ERBB4: variants seen among roughly 807,000 people sequenced by gnomAD.
The protein encoded by ERBB4 is erb-b2 receptor tyrosine kinase 4, also known as receptor tyrosine-protein kinase erbB-4.
ERBB4 carries 42 observed loss-of-function variants against 158.0 expected under a neutral mutation model. The ratio of observed to expected loss-of-function variants is 0.27; its 90% CI spans 0.21 to 0.34. The LOEUF (loss-of-function observed/expected upper bound fraction) is 0.34. Ranked by LOEUF, ERBB4 falls within the 10% of genes least tolerant of loss-of-function variation. The probability of loss-of-function intolerance (pLI) is 1.00; values close to 1 mark genes in which losing one functional copy is unlikely to be tolerated. For missense variants in ERBB4, 1,333 were observed against 1,624.1 expected (o/e 0.82, Z 3.08); for synonymous variants, 583 against 558.7 (o/e 1.04, Z -0.61).
intron 21 of ERBB4, among the ~76,000 whole-genome samples, chr2:211,429,965 T>C (rs181934580): frequency 6.6e-6 from 1 of 152,274 alleles, no homozygotes; most frequent in African/African-American, 2.4e-5. Flanking sequence ...TGTGCAGTCT[T>C]AGAGTGAATT....
chr2:212,472,610 C>T (rs994205797), intron 1 of ERBB4, among the ~76,000 whole-genome samples: 10 of 150,884 alleles, frequency 6.6e-5, no homozygotes, highest in Admixed American at 1.3e-4. Flanking sequence ...TTGGAAAGAG[C>T]GGTACTTCTC....
intron 1 of ERBB4, among the ~76,000 whole-genome samples, chr2:212,386,135 C>CAAA (rs111875419): frequency 7.3e-6 from 1 of 137,642 alleles, no homozygotes; most frequent in African/African-American, 2.6e-5. Context: ...TTTTAAAATA[C>CAAA]AAAAAAAAAA....
chr2:211,877,564 G>GCC (rs1456142109), intron 3 of ERBB4, among the ~76,000 whole-genome samples: 3 of 135,370 alleles, frequency 2.2e-5, no homozygotes, highest in Middle Eastern at 3.7e-3. Flanking sequence ...TCTTTAAAAT[G>GCC]TCTTTTTTTT....
intron 20 of ERBB4, among the ~76,000 whole-genome samples, chr2:211,435,769 A>G (rs1001006209): frequency 6.6e-6 from 1 of 152,208 alleles, no homozygotes; most frequent in African/African-American, 2.4e-5. Context: ...GGCCCCCACA[A>G]AAACAGTCCC....
chr2:212,043,988 C>T (rs958460169), intron 2 of ERBB4, among the ~76,000 whole-genome samples: 8 of 152,128 alleles, frequency 5.3e-5, no homozygotes, highest in African/African-American at 1.4e-4. Context: ...TTGGAAAACA[C>T]GTCATACAAA....
intron 1 of ERBB4, among the ~76,000 whole-genome samples, chr2:212,462,933 T>G (rs1688648426): frequency 6.6e-6 from 1 of 152,232 alleles, no homozygotes; most frequent in South Asian, 2.1e-4. Flanking sequence ...TAAAAAAGAA[T>G]GAAATCTGTC....
chr2:211,491,639 T>C (rs1224861239), intron 20 of ERBB4, among the ~76,000 whole-genome samples: 2 of 152,060 alleles, frequency 1.3e-5, no homozygotes, highest in African/African-American at 4.8e-5. Context: ...TAATAAATTA[T>C]AAAGTTCTTA....
At chr2:212,021,833 G>C (rs2076658209) in intron 2 of ERBB4, among the ~76,000 whole-genome samples, 1 of 149,838 alleles carries the variant, frequency 6.7e-6, no homozygotes, top group Admixed American at 6.7e-5. Context: ...AAATTTACAA[G>C]AAAAAAAAAC....
At chr2:212,129,297 T>C (rs2080035739) in intron 1 of ERBB4, among the ~76,000 whole-genome samples, 1 of 151,722 alleles carries the variant, frequency 6.6e-6, no homozygotes, top group Non-Finnish European at 1.5e-5. Flanking sequence ...GTTGGTGTAT[T>C]CTGACCTTTT....
intron 1 of ERBB4, among the ~76,000 whole-genome samples, chr2:212,457,442 T>C (rs975493834): frequency 6.6e-6 from 1 of 152,062 alleles, no homozygotes; most frequent in African/African-American, 2.4e-5. Flanking sequence ...TGCACTGTTA[T>C]CACACAGAGT....
At chr2:212,213,857 G>C (rs2083011838) in intron 1 of ERBB4, among the ~76,000 whole-genome samples, 1 of 151,710 alleles carries the variant, frequency 6.6e-6, no homozygotes, top group Admixed American at 6.6e-5. Flanking sequence ...TTTCAAATAA[G>C]GTTTTCAGGC....
chr2:211,888,744 G>A (rs570018108), intron 3 of ERBB4, among the ~76,000 whole-genome samples: 3 of 152,024 alleles, frequency 2.0e-5, no homozygotes, highest in East Asian at 1.9e-4. Context: ...TGGGAAGCGC[G>A]AGGGGTCAGG....
chr2:211,555,095 G>C (rs1007313926), intron 20 of ERBB4, among the ~76,000 whole-genome samples: 16 of 152,172 alleles, frequency 1.1e-4, no homozygotes, highest in African/African-American at 3.9e-4. Context: ...GGACTGCTCT[G>C]CTTACCAAAT....
At chr2:211,694,423 G>T (rs557660948) in intron 12 of ERBB4, among the ~76,000 whole-genome samples, 16 of 152,132 alleles carry the variant, frequency 1.1e-4, no homozygotes, top group African/African-American at 3.6e-4. Context: ...AAAATAGAAG[G>T]GATATCATTT....
chr2:212,182,306 A>G (rs772368290), intron 1 of ERBB4, among the ~76,000 whole-genome samples: 11 of 151,856 alleles, frequency 7.2e-5, no homozygotes, highest in Non-Finnish European at 1.6e-4. Context: ...ATTGAACCCA[A>G]CTGGTATCCC....
At chr2:211,420,672 C>A (rs1312201658) in intron 24 of ERBB4, 61 bp from the exon 25 acceptor site, 16 of 1,369,238 alleles carry the variant, frequency 1.2e-5, no homozygotes, top group Admixed American at 6.8e-5. Context: ...AATATGTGGT[C>A]TCTGCAATAA....
chr2:211,803,684 T>C (rs2076550146), intron 3 of ERBB4, among the ~76,000 whole-genome samples: 1 of 152,242 alleles, frequency 6.6e-6, no homozygotes, highest in South Asian at 2.1e-4. Flanking sequence ...CACTCTTCTA[T>C]GCAAAGCACG....
chr2:212,042,408 A>G (rs1038992853), intron 2 of ERBB4, among the ~76,000 whole-genome samples: 4 of 152,090 alleles, frequency 2.6e-5, no homozygotes, highest in Non-Finnish European at 5.9e-5. Context: ...ACTTCAAATT[A>G]GGTTTTCACG....
intron 4 of ERBB4, among the ~76,000 whole-genome samples, chr2:211,785,095 T>TC (rs2076127045): frequency 1.5e-5 from 2 of 133,994 alleles, no homozygotes; most frequent in African/African-American, 5.6e-5. Context: ...TGCACAGCCT[T>TC]TTTTTTTTTT....
Sources: gnomAD v4.1 joint callset for allele counts (sites outside exome capture counted in the v4.1 genomes callset) on GRCh38, gnomAD v4.1.1 for gene constraint, MANE v1.5 for transcripts, NCBI Gene and HGNC (gene_info 2026-07-23, HGNC 2026-07-21) for gene names.